RYR3: variants seen among roughly 807,000 people sequenced by gnomAD.
RYR3 encodes the protein ryanodine receptor 3, also known as brain ryanodine receptor-calcium release channel.
In RYR3, 207 loss-of-function variants were observed where a neutral mutation model predicts 584.3. That is an observed-to-expected ratio of 0.35 (90% CI 0.32 to 0.40). The LOEUF (loss-of-function observed/expected upper bound fraction) is 0.40. RYR3 is among the 10% of genes least tolerant of loss of function. The pLI, the probability that RYR3 is intolerant of heterozygous loss-of-function variation, is 1.00. For synonymous variants in RYR3, 2,416 were observed against 2,248.5 expected (o/e 1.07, Z -2.11); for missense variants, 5,616 against 6,089.2 (o/e 0.92, Z 2.59).
chr15:33,369,108 A>T (rs1217936712), intron 1 of RYR3, among the ~76,000 whole-genome samples: 2 of 152,108 alleles, frequency 1.3e-5, no homozygotes, highest in Non-Finnish European at 2.9e-5. Context: ...TCACTTTTTG[A>T]AACAATTCTG....
At chr15:33,514,783 C>T (rs1279450264) in intron 3 of RYR3, among the ~76,000 whole-genome samples, 2 of 151,914 alleles carry the variant, frequency 1.3e-5, no homozygotes, top group African/African-American at 2.4e-5. Context: ...AGGCAGATCA[C>T]GAGGTCAGGA....
intron 38 of RYR3, among the ~76,000 whole-genome samples, chr15:33,672,659 A>C (rs1221427449): frequency 6.6e-6 from 1 of 152,256 alleles, no homozygotes; most frequent in Non-Finnish European, 1.5e-5. Flanking sequence ...TGCTGATTAC[A>C]GAACCATATG....
intron 78 of RYR3, 56 bp downstream of exon 78, chr15:33,820,868 C>A: frequency 8.4e-7 from 1 of 1,185,144 alleles, no homozygotes; most frequent in Non-Finnish European, 1.1e-6. Context: ...ATAGGCCAGG[C>A]CTTCAGAGGT....
At chr15:33,425,828 G>T (rs573049350) in intron 1 of RYR3, among the ~76,000 whole-genome samples, 3 of 151,930 alleles carry the variant, frequency 2.0e-5, no homozygotes, top group Non-Finnish European at 4.4e-5. Context: ...ATTTTTAGTA[G>T]AGACGGGGTT....
chr15:33,614,879 G>C (rs1027322451), intron 19 of RYR3, among the ~76,000 whole-genome samples: 2 of 152,006 alleles, frequency 1.3e-5, no homozygotes, highest in African/African-American at 4.8e-5. Context: ...ACCACCTAGA[G>C]ATAATCATAT....
At chr15:33,731,259 T>G (rs1490173067) in intron 47 of RYR3, among the ~76,000 whole-genome samples, 4 of 118,412 alleles carry the variant, frequency 3.4e-5, no homozygotes, top group African/African-American at 6.1e-5. Flanking sequence ...TTTTGTGTGT[T>G]TTTTTTTTGT....
At chr15:33,711,781 AC>A (rs1281888608) in intron 43 of RYR3, among the ~76,000 whole-genome samples, 1 of 152,186 alleles carries the variant, frequency 6.6e-6, no homozygotes, top group Non-Finnish European at 1.5e-5. Flanking sequence ...CAACCATTTA[AC>A]TGGTCTCCAA....
chr15:33,704,899 G>A lies in RYR3; in HGVS notation c.6484-2020G>A, dbSNP rs553209180. On this transcript the variant is annotated intron_variant, in intron 42 of 103. Transcript: ENST00000634891. Reference sequence around the variant, plus strand: ...GTTTTCAAGTAGTTGGGGTGGCTTAGCACACTGCTATAGACTTTATTCAGC... The same window carrying A: ...GTTTTCAAGTAGTTGGGGTGGCTTAACACACTGCTATAGACTTTATTCAGC... Among the ~76,000 whole-genome samples the A allele has an allele frequency of 2.0e-4, 31 of 152,302 alleles. 1 individual carries two copies. Among genetic ancestry groups the A allele is most frequent in the African/African-American group, 7.5e-4 (31 of 41,570 alleles).
intron 62 of RYR3, among the ~76,000 whole-genome samples, chr15:33,769,574 C>T (rs1236420003): frequency 6.6e-6 from 1 of 152,062 alleles, no homozygotes; most frequent in African/African-American, 2.4e-5. Flanking sequence ...GAGACAAAGA[C>T]GTTGATGCCA....
intron 85 of RYR3, among the ~76,000 whole-genome samples, chr15:33,828,269 A>G (rs1000431908): frequency 2.6e-5 from 4 of 152,118 alleles, no homozygotes; most frequent in Admixed American, 1.3e-4. Context: ...AGGCCTTCCT[A>G]TTCCCTGAGA....
rs1374229479 is a variant in RYR3, at chr15:33,581,452, G to T, written c.1438-56G>T. ...TGATACAGGAGGGGAAAGAGCATAA[G>T]GGACTGTGCTTTCTTAATCAGCAAT... is the stretch of plus-strand genomic sequence containing the variant. On this transcript the variant is annotated intron_variant, in intron 13 of 103. Transcript: ENST00000634891. 5 of 1,554,352 alleles carry T rather than the reference G, an allele frequency of 3.2e-6. No individual in the cohort carries two copies. In the African/African-American group the frequency reaches 6.8e-5, roughly 21 times the overall value.
intron 2 of RYR3, among the ~76,000 whole-genome samples, chr15:33,493,588 G>C (rs545733832): frequency 2.0e-5 from 3 of 152,226 alleles, no homozygotes; most frequent in South Asian, 2.1e-4. Context: ...CAGGTGCAAG[G>C]GTTCCAACTT....
chr15:33,654,005 T>C (rs1476488263), intron 32 of RYR3, among the ~76,000 whole-genome samples: 1 of 152,214 alleles, frequency 6.6e-6, no homozygotes, highest in African/African-American at 2.4e-5. Context: ...TAATGTTCTA[T>C]GAACCTAGAG....
chr15:33,721,651 T>C (rs2067922468), intron 43 of RYR3, among the ~76,000 whole-genome samples: 1 of 152,180 alleles, frequency 6.6e-6, no homozygotes, highest in Non-Finnish European at 1.5e-5. Flanking sequence ...CCTCTTATGA[T>C]TTTGTAGAGT....
In RYR3 at chr15:33,702,282, G is replaced by A. The variant is rs968805504; in HGVS notation, c.6483+1202G>A. ...AGAGTATTAGGCAAAGGGGCAACACGATACAATTCATATTTTAGAAAACAC... is the reference window on the plus strand; with the variant it reads ...AGAGTATTAGGCAAAGGGGCAACACAATACAATTCATATTTTAGAAAACAC... On this transcript the variant is annotated intron_variant, in intron 42 of 103. Coordinates refer to ENST00000634891, the MANE Select transcript of RYR3 (RefSeq NM_001036.6). Among the ~76,000 whole-genome samples, 13 of 152,268 alleles carry A rather than the reference G, an allele frequency of 8.5e-5. No homozygotes were observed. The South Asian group carries it at 1.7e-3, about 19-fold the overall frequency.
intron 59 of RYR3, among the ~76,000 whole-genome samples, chr15:33,756,635 G>T (rs1160286459): frequency 6.6e-6 from 1 of 152,134 alleles, no homozygotes; most frequent in Non-Finnish European, 1.5e-5. Flanking sequence ...TGGCCTGTGT[G>T]CGTGGTTCAG....
chr15:33,831,216 T>C, intron 86 of RYR3, 125 bp downstream of exon 86: 1 of 882,186 alleles, frequency 1.1e-6, no homozygotes. Flanking sequence ...ATGCTGACAA[T>C]TTTTATTTTC....
rs1370788115 is a variant in RYR3 at position 33,857,869 on chromosome 15, C to CGAA, written c.14100_14102dup (p.Glu4700dup). 6.2e-7 allele frequency: 1 copy of CGAA among 1,614,090 alleles called. No homozygotes were observed. Among genetic ancestry groups the CGAA allele is most frequent in the Non-Finnish European group, 8.5e-7 (1 of 1,180,044 alleles). On this transcript the variant is annotated inframe_insertion, in exon 99 of 104. Coordinates refer to ENST00000634891, the MANE Select transcript of RYR3 (RefSeq NM_001036.6). The stretch of plus-strand genomic sequence containing the variant: ...TCTTCCGCAAGTTCTACAACAAAAG[C>CGAA]GAAGACGATGACGAGCCCGATATGA...
Position 33,662,589 on chromosome 15 carries a change from C to T in RYR3, c.5059C>T (p.Pro1687Ser), listed in dbSNP as rs1938980251. The T allele has an allele frequency of 6.2e-7, 1 of 1,613,872 alleles. No homozygotes were observed. The highest frequency in any genetic ancestry group is 1.7e-5 in the Admixed American group (1 of 60,002). The change falls in exon 35 of 104, where the codon CCC becomes TCC. Residue 1687 changes from proline (P) to serine (S), a missense_variant. Physicochemically the swap from Pro to Ser is moderately conservative, Grantham distance 74 (BLOSUM62 -1). Coordinates refer to ENST00000634891, the MANE Select transcript of RYR3 (RefSeq NM_001036.6). The stretch of plus-strand genomic sequence containing the variant: ...TCACCAAAAGCAGAGCCCCGAGATT[C>T]CCTTGGAGAGTCTCAGGACGAAGGC... ...EDHQKQSPEI[P>S]LESLRTKALS...
Sources: gnomAD v4.1 joint callset for allele counts (sites outside exome capture counted in the v4.1 genomes callset) on GRCh38, gnomAD v4.1.1 for gene constraint, MANE v1.5 for transcripts, NCBI Gene and HGNC (gene_info 2026-07-23, HGNC 2026-07-21) for gene names.